The following LBP variants were observed in gnomAD, a reference collection of about 807,000 sequenced individuals.
LBP encodes the protein lipopolysaccharide-binding protein.
A neutral mutation model predicts 56.6 loss-of-function variants in LBP; 53 were observed. The ratio of observed to expected loss-of-function variants is 0.94; its 90% confidence interval spans 0.75 to 1.18. LBP has a LOEUF of 1.18. Ranked by LOEUF, LBP falls within the 50% of genes most tolerant of loss-of-function variation. LBP has a pLI of 0.00. For missense variants in LBP, 601 were observed against 598.3 expected, an observed-to-expected ratio of 1.00 and a Z score of -0.05; for synonymous variants, 227 against 247.5, an observed-to-expected ratio of 0.92 and a Z score of 0.78.
intron 6 of LBP, among the ~76,000 whole-genome samples, chr20:38,361,183 A>AT (rs1452250788): frequency 1.3e-5 from 2 of 151,720 alleles, no homozygotes; most frequent in African/African-American, 2.4e-5. Flanking sequence ...AAAAAAAAAA[A>AT]GAAAGTAAAA....
chr20:38,374,933 G>A (rs957089137), intron 14 of LBP, among the ~76,000 whole-genome samples: 3 of 144,412 alleles, frequency 2.1e-5, no homozygotes, highest in South Asian at 2.3e-4. Context: ...ACAGGCTCCC[G>A]CCACCACTCC....
intron 8 of LBP, 107 bp downstream of exon 8, chr20:38,364,859 A>G: frequency 1.2e-5 from 13 of 1,054,892 alleles, no homozygotes; most frequent in Non-Finnish European, 1.8e-5. Flanking sequence ...AGTTATAGCT[A>G]AGAGAAAAAT....
chr20:38,355,092 G>A (rs1330617078), intron 4 of LBP, among the ~76,000 whole-genome samples: 1 of 152,116 alleles, frequency 6.6e-6, no homozygotes, highest in African/African-American at 2.4e-5. Flanking sequence ...CCACCCCCCC[G>A]CAAAAGAAAA....
rs778337160 is a variant in LBP, at chr20:38,369,054, G to T, written c.1041G>T (p.Pro347=). 7 of 1,613,874 alleles carry T rather than the reference G, an allele frequency of 4.3e-6. No homozygotes were observed. In the African/African-American group the frequency reaches 9.4e-5, roughly 22 times the overall value. Residue 347 remains proline (P), a synonymous_variant, in exon 10 of 15, where the codon CCG becomes CCT. Transcript: ENST00000217407. ...TCCAGGGATCAGTGCCCTCTGCTCC[G>T]CTCCTGAACTTCAGCCCTGGGAATC... The part of the protein sequence containing the change: ...LELQGSVPSA[P]LLNFSPGNLS...
At position 38,369,072 on chromosome 20, in the gene LBP, T is replaced by TGGGAATCTGTCTGTGGACCCA; in HGVS notation, c.1079_1080insAGGGAATCTGTCTGTGGACCC (p.Gly354_Pro360dup). On this transcript the variant is annotated inframe_insertion, in exon 10 of 15. Coordinates refer to ENST00000217407, the MANE Select transcript of LBP (RefSeq NM_004139.5). ...CTGCTCCGCTCCTGAACTTCAGCCC[T>TGGGAATCTGTCTGTGGACCCA]GGGAATCTGTCTGTGGACCCCTATA... The TGGGAATCTGTCTGTGGACCCA allele has an allele frequency of 6.2e-7, 1 of 1,614,182 alleles. No individual in the cohort carries two copies. The highest frequency in any genetic ancestry group is 8.5e-7 in the Non-Finnish European group (1 of 1,180,002).
At chr20:38,374,594 C>CAA (rs562385988) in intron 14 of LBP, among the ~76,000 whole-genome samples, 14 of 86,264 alleles carry the variant, frequency 1.6e-4, no homozygotes, top group African/African-American at 3.1e-4. Context: ...AACACTCCGT[C>CAA]AAAAAAAAAA....
intron 3 of LBP, among the ~76,000 whole-genome samples, chr20:38,351,346 C>T (rs1056271076): frequency 6.6e-6 from 1 of 152,158 alleles, no homozygotes; most frequent in African/African-American, 2.4e-5. Context: ...GCCTGGTGGG[C>T]AAGTGAAGCT....
chr20:38,369,276 T>G (rs1568835348), intron 10 of LBP, 114 bp downstream of exon 10: 6 of 1,034,262 alleles, frequency 5.8e-6, no homozygotes, highest in Non-Finnish European at 6.9e-6. Context: ...GGTCTCAACT[T>G]AAATATTACT....
At chr20:38,355,964 C>G (rs1229141221) in intron 5 of LBP, among the ~76,000 whole-genome samples, 1 of 151,588 alleles carries the variant, frequency 6.6e-6, no homozygotes, top group East Asian at 1.9e-4. Context: ...AACACTCATT[C>G]ATCCCAAAAT....
At chr20:38,366,624 G>A (rs929406182) in intron 8 of LBP, 145 bp from the exon 9 acceptor site, 9 of 757,578 alleles carry the variant, frequency 1.2e-5, no homozygotes, top group African/African-American at 5.1e-5. Flanking sequence ...TTGGGTGAAT[G>A]CAGGACAGGC....
chr20:38,373,238 C>G, intron 13 of LBP, 103 bp downstream of exon 13: 2 of 964,970 alleles, frequency 2.1e-6, no homozygotes, highest in Non-Finnish European at 3.3e-6. Context: ...GCTGTATGAC[C>G]GTGGGCAAGT....
At position 38,368,857 on chromosome 20, in the gene LBP, G is replaced by C. The variant is rs1057256352; in HGVS notation, c.982-138G>C. Reference sequence around the variant, plus strand: ...GAGAGATGGCCAGTTTTGCCACTAGGAGAAAAAGGCACAGAGAATTTTGTT... The same window carrying C: ...GAGAGATGGCCAGTTTTGCCACTAGCAGAAAAAGGCACAGAGAATTTTGTT... On this transcript the variant is annotated intron_variant, in intron 9 of 14. Transcript: ENST00000217407. 4 of 818,438 alleles carry C rather than the reference G, an allele frequency of 4.9e-6. No individual in the cohort carries two copies. In the African/African-American group the frequency reaches 6.8e-5, roughly 14 times the overall value. 50.7% of individuals were successfully genotyped at this position (818,438 alleles called of 1,614,324 possible).
chr20:38,364,335 G>C (rs1293988763), intron 7 of LBP, among the ~76,000 whole-genome samples: 1 of 152,148 alleles, frequency 6.6e-6, no homozygotes, highest in East Asian at 1.9e-4. Context: ...CAATCAGAGC[G>C]GGTCTTAGGG....
rs1170058556 is a variant in LBP at position 38,365,696 on chromosome 20, CAAAAAAAAA to C, written c.921+958_921+966del. 4.4e-3 allele frequency among the ~76,000 whole-genome samples: 456 copies of C among 103,744 alleles called. 5 individuals are homozygous for C. Among genetic ancestry groups the C allele is most frequent in the African/African-American group, 0.015 (422 of 29,098 alleles). 68.1% of individuals were successfully genotyped at this position (103,744 alleles called of 152,430 possible). A position where few individuals can be genotyped will look rare whatever the true frequency, so the allele number is the denominator to read the frequency against. ...TGGGCAACAGAGTGAGACTGCATCT[CAAAAAAAAA>C]AAAAAAAAAAAAATATATATATATA... On this transcript the variant is annotated intron_variant, in intron 8 of 14. Coordinates refer to ENST00000217407, the MANE Select transcript of LBP (RefSeq NM_004139.5).
chr20:38,374,058 T>A, intron 14 of LBP, 45 bp downstream of exon 14: 1 of 1,571,998 alleles, frequency 6.4e-7, no homozygotes, highest in Non-Finnish European at 8.7e-7. Context: ...AGGGAGGAGG[T>A]GGTTTGCATG....
At chr20:38,360,994 C>T (rs1452016493) in intron 6 of LBP, among the ~76,000 whole-genome samples, 1 of 151,986 alleles carries the variant, frequency 6.6e-6, no homozygotes, top group East Asian at 1.9e-4. Flanking sequence ...GAAACCCTGT[C>T]TCTACTAAAA....
chr20:38,366,736 AC>A, intron 8 of LBP, 32 bp from the exon 9 acceptor site: 17 of 1,603,906 alleles, frequency 1.1e-5, no homozygotes, highest in Non-Finnish European at 1.4e-5. Context: ...CAGCGGGAGC[AC>A]CCTAAAACTT....
chr20:38,374,371 G>C (rs964664109), intron 14 of LBP, among the ~76,000 whole-genome samples: 1 of 152,112 alleles, frequency 6.6e-6, no homozygotes, highest in African/African-American at 2.4e-5. Flanking sequence ...GGCTGGGGCG[G>C]GCAGATCACG....
Position 38,360,265 on chromosome 20 carries a change from A to G in LBP, c.589-439A>G, listed in dbSNP as rs916641969. ...ACAGGGCGAGACTCCATCTCAAAAA[A>G]AAAAAAAAACAAAAAAACTATCTAC... On this transcript the variant is annotated intron_variant, in intron 5 of 14. Coordinates refer to ENST00000217407, the MANE Select transcript of LBP (RefSeq NM_004139.5). Among the ~76,000 whole-genome samples the G allele has an allele frequency of 7.2e-5, 11 of 152,150 alleles. No individual in the cohort carries two copies. The South Asian group carries it at 1.5e-3, about 20-fold the overall frequency.
Sources: gnomAD v4.1 joint callset for allele counts (sites outside exome capture counted in the v4.1 genomes callset) on GRCh38, gnomAD v4.1.1 for gene constraint, MANE v1.5 for transcripts, NCBI Gene and HGNC (gene_info 2026-07-23, HGNC 2026-07-21) for gene names.